RPL39L: variants seen among roughly 807,000 people sequenced by gnomAD.
The protein encoded by RPL39L is ribosomal protein eL39-like 2.
For synonymous variants in RPL39L, 16 were observed against 20.1 expected (o/e 0.80, Z 0.55); for missense variants, 48 against 58.9 (o/e 0.81, Z 0.61).
chr3:187,126,036 G>A (rs2108467828), intron 2 of RPL39L, among the ~76,000 whole-genome samples: 1 of 152,240 alleles, frequency 6.6e-6, no homozygotes, highest in East Asian at 1.9e-4. Context: ...TTTAAATATG[G>A]AACTCCGGGA....
At position 187,135,210 on chromosome 3, in the gene RPL39L, T is replaced by C. The variant is rs529828952; in HGVS notation, c.-93+4003A>G. Among the ~76,000 whole-genome samples the C allele has an allele frequency of 3.9e-5, 6 of 152,310 alleles. 1 individual carries two copies. Among genetic ancestry groups the C allele is most frequent in the Admixed American group, 2.6e-4 (4 of 15,306 alleles). On this transcript the variant is annotated intron_variant, in intron 1 of 2. Coordinates refer to ENST00000296277, the MANE Select transcript of RPL39L (RefSeq NM_052969.3). ...CAGCTTCTAAGGCTTTGTCAAATAC[T>C]GTGGCTCCTGAGGCAAAGCAGTTCA... is the stretch of plus-strand genomic sequence containing the variant.
intron 2 of RPL39L, among the ~76,000 whole-genome samples, chr3:187,124,558 A>G (rs1310568457): frequency 2.6e-5 from 4 of 152,168 alleles, no homozygotes; most frequent in Non-Finnish European, 5.9e-5. Flanking sequence ...TGCTGTCCTA[A>G]GCATAATCTT....
chr3:187,135,823 C>T (rs913970682), intron 1 of RPL39L, among the ~76,000 whole-genome samples: 6 of 152,240 alleles, frequency 3.9e-5, no homozygotes, highest in African/African-American at 1.4e-4. Context: ...GTGGTACAAG[C>T]ATGGCACCAG....
chr3:187,134,483 T>TAAAAAAAAAAAAAAAAAAAAAAAAAA (rs72169562), intron 1 of RPL39L, among the ~76,000 whole-genome samples: 9 of 93,396 alleles, frequency 9.6e-5, no homozygotes, highest in African/African-American at 3.4e-4. Context: ...GCCTGACTGA[T>TAAAAAAAAAAAAAAAAAAAAAAAAAA]AAAAAAAAAA....
chr3:187,122,121 G>A (rs113814489), intron 2 of RPL39L, among the ~76,000 whole-genome samples: 7,022 of 152,314 alleles, frequency 0.046, 238 homozygotes, highest in Non-Finnish European at 0.068. Context: ...CACTGGCTGT[G>A]CATACTAATA....
At chr3:187,122,548 T>TA (rs1720331257) in intron 2 of RPL39L, among the ~76,000 whole-genome samples, 1 of 152,202 alleles carries the variant, frequency 6.6e-6, no homozygotes. Flanking sequence ...TTGTGAGATG[T>TA]TTATTCTATG....
At chr3:187,127,308 G>A (rs1720414267) in intron 2 of RPL39L, among the ~76,000 whole-genome samples, 1 of 152,086 alleles carries the variant, frequency 6.6e-6, no homozygotes, top group South Asian at 2.1e-4. Flanking sequence ...ATATATAAAT[G>A]TAATACATCA....
At chr3:187,137,256 C>T (rs906614481) in intron 1 of RPL39L, among the ~76,000 whole-genome samples, 5 of 149,192 alleles carry the variant, frequency 3.4e-5, no homozygotes, top group African/African-American at 1.2e-4. Context: ...ACCTGTAATC[C>T]CAGCATTTTG....
rs1720399669 is a variant in RPL39L, at chr3:187,126,442, G to T, written c.-29+1557C>A. Among the ~76,000 whole-genome samples the T allele has an allele frequency of 5.3e-5, 8 of 152,216 alleles. No individual in the cohort carries two copies. In the South Asian group the frequency reaches 1.5e-3, roughly 28 times the overall value. Reference sequence around the variant, plus strand: ...GCCTCCCAAAGTGCTGGGATTACAGGCTTGAGCCACCACGCCCGGCCCATC... The same window carrying T: ...GCCTCCCAAAGTGCTGGGATTACAGTCTTGAGCCACCACGCCCGGCCCATC... On this transcript the variant is annotated intron_variant, in intron 2 of 2. Transcript: ENST00000296277.
chr3:187,128,645 G>A (rs1720438027), intron 1 of RPL39L, among the ~76,000 whole-genome samples: 1 of 152,096 alleles, frequency 6.6e-6, no homozygotes, highest in Non-Finnish European at 1.5e-5. Context: ...GAATAGCTGG[G>A]ACTACAGGTT....
Position 187,123,409 on chromosome 3 carries a change from T to C in RPL39L, c.-28-2081A>G, listed in dbSNP as rs553651462. 2.0e-4 allele frequency among the ~76,000 whole-genome samples: 30 copies of C among 152,356 alleles called. No individual in the cohort carries two copies. In the South Asian group the frequency reaches 6.2e-3, roughly 32 times the overall value. Reference sequence around the variant, plus strand: ...GATAGGGAAAGTACACTACTATTTCTGCCCAATCCTTTTATTTTCTTCCCA... The same window carrying C: ...GATAGGGAAAGTACACTACTATTTCCGCCCAATCCTTTTATTTTCTTCCCA... On this transcript the variant is annotated intron_variant, in intron 2 of 2. Transcript: ENST00000296277.
chr3:187,133,512 T>C (rs951706102), intron 1 of RPL39L, among the ~76,000 whole-genome samples: 1 of 152,124 alleles, frequency 6.6e-6, no homozygotes, highest in African/African-American at 2.4e-5. Context: ...GGTAGCTCTT[T>C]ATAGCAGTGT....
At chr3:187,125,994 TAAGGTCATAAGGTTA>T (rs1417734770) in intron 2 of RPL39L, among the ~76,000 whole-genome samples, 1 of 152,148 alleles carries the variant, frequency 6.6e-6, no homozygotes, top group East Asian at 1.9e-4. Flanking sequence ...TATTACTATT[TAAGGTCATAAGGTTA>T]AAGGTCATAA....
At position 187,125,153 on chromosome 3, in the gene RPL39L, G is replaced by A. The variant is rs569071670; in HGVS notation, c.-29+2846C>T. Among the ~76,000 whole-genome samples, 3 of 152,306 alleles carry A rather than the reference G, an allele frequency of 2.0e-5. No individual in the cohort carries two copies. In the South Asian group the frequency reaches 6.2e-4, roughly 32 times the overall value. On this transcript the variant is annotated intron_variant, in intron 2 of 2. Transcript: ENST00000296277. ...TGCAATACGATATGTCTATAAGGAA[G>A]TGGTTAAACTGAGTGGGCTTCATGG... is the stretch of plus-strand genomic sequence containing the variant.
chr3:187,137,721 G>A (rs1720608481), intron 1 of RPL39L, among the ~76,000 whole-genome samples: 3 of 151,712 alleles, frequency 2.0e-5, no homozygotes, highest in Admixed American at 6.6e-5. Context: ...CCAGCTACTC[G>A]GGAGGCTGAG....
rs373705330 is a variant in RPL39L, at chr3:187,122,583, G to T, written c.-28-1255C>A. 2.6e-5 allele frequency among the ~76,000 whole-genome samples: 4 copies of T among 152,232 alleles called. No homozygotes were observed. In the East Asian group the frequency reaches 7.7e-4, roughly 29 times the overall value. On this transcript the variant is annotated intron_variant, in intron 2 of 2. Coordinates refer to ENST00000296277, the MANE Select transcript of RPL39L (RefSeq NM_052969.3). ...GTCTGGCATCTCCCCTAACATGCAG[G>T]CAGGAAGAAGAGAAAGAAAGAAAGA...
intron 2 of RPL39L, among the ~76,000 whole-genome samples, chr3:187,124,067 A>T (rs1720356791): frequency 6.6e-6 from 1 of 152,234 alleles, no homozygotes; most frequent in Non-Finnish European, 1.5e-5. Flanking sequence ...CTAGTACAAT[A>T]GTAATGGTTA....
At chr3:187,125,506 A>C (rs1356188631) in intron 2 of RPL39L, among the ~76,000 whole-genome samples, 1 of 152,022 alleles carries the variant, frequency 6.6e-6, no homozygotes, top group Non-Finnish European at 1.5e-5. Flanking sequence ...GGCTTTCTGA[A>C]TCGCTGCACT....
chr3:187,127,297 A>AT (rs900781929), intron 2 of RPL39L, among the ~76,000 whole-genome samples: 2 of 152,118 alleles, frequency 1.3e-5, no homozygotes, highest in African/African-American at 4.8e-5. Flanking sequence ...TCCCATAAAA[A>AT]ATATATAAAT....
Sources: allele counts gnomAD v4.1 joint callset (sites outside exome capture counted in the v4.1 genomes callset), GRCh38; gene constraint gnomAD v4.1.1; transcripts MANE v1.5; gene names NCBI Gene and HGNC (gene_info 2026-07-23, HGNC 2026-07-21).